FOXP1: variants seen among roughly 807,000 people sequenced by gnomAD.
FOXP1 encodes the protein forkhead box protein P1.
A neutral mutation model predicts 98.2 loss-of-function variants in FOXP1; 15 were observed. That is an observed-to-expected ratio of 0.15 (90% CI 0.10 to 0.24). FOXP1 has a LOEUF of 0.24. Among genes scored for constraint, FOXP1 ranks in the 10% least tolerant of loss-of-function variants. The pLI, the probability that FOXP1 is intolerant of heterozygous loss-of-function variation, is 1.00. For synonymous variants in FOXP1, 371 were observed against 314.5 expected (o/e 1.18, Z -1.90); for missense variants, 633 against 848.5 (o/e 0.75, Z 3.15).
chr3:71,359,502 A>T (rs1183893693), intron 3 of FOXP1, among the ~76,000 whole-genome samples: 2 of 152,200 alleles, frequency 1.3e-5, no homozygotes, highest in Non-Finnish European at 2.9e-5. Context: ...AGGCACTGAC[A>T]TCCACTTAGG....
chr3:71,292,385 A>T (rs1359230942), intron 5 of FOXP1: 2 of 152,218 alleles, frequency 1.3e-5, no homozygotes, highest in African/African-American at 4.8e-5. Context: ...CCCAGGATGT[A>T]GAGCAGTGGC....
intron 5 of FOXP1, among the ~76,000 whole-genome samples, chr3:71,274,948 T>C (rs1054056875): frequency 6.6e-6 from 1 of 152,202 alleles, no homozygotes; most frequent in Non-Finnish European, 1.5e-5. Flanking sequence ...TAAATGCATA[T>C]TATACTCATA....
rs1194695203 is a variant in FOXP1, at chr3:71,396,950, GTA to G, written c.-167-37708_-167-37707del. On this transcript the variant is annotated intron_variant, in intron 3 of 20. Coordinates refer to ENST00000649528, the MANE Select transcript of FOXP1 (RefSeq NM_001349338.3). ...TATATATATACACATATATATATGTGTATATATATATATGTGTGTATATATAT... is the reference window on the plus strand; with the variant it reads ...TATATATATACACATATATATATGTGTATATATATATGTGTGTATATATAT... 4.9e-3 allele frequency among the ~76,000 whole-genome samples: 250 copies of G among 50,926 alleles called. 44 individuals are homozygous for G. The highest frequency in any genetic ancestry group is 0.014 in the African/African-American group (171 of 11,832). 33.4% of individuals were successfully genotyped at this position (50,926 alleles called of 152,430 possible).
intron 7 of FOXP1, among the ~76,000 whole-genome samples, chr3:71,056,055 T>TG (rs1157305316): frequency 6.6e-6 from 1 of 152,140 alleles, no homozygotes; most frequent in Non-Finnish European, 1.5e-5. Context: ...GGTGAACTTT[T>TG]GGGGGCGATG....
intron 3 of FOXP1, among the ~76,000 whole-genome samples, chr3:71,407,310 G>C (rs952612658): frequency 6.6e-6 from 1 of 152,110 alleles, no homozygotes; most frequent in Non-Finnish European, 1.5e-5. Context: ...AGGCTGGGGT[G>C]GGGGGTGGCG....
intron 6 of FOXP1, among the ~76,000 whole-genome samples, chr3:71,178,168 C>T (rs1163989494): frequency 1.4e-5 from 2 of 145,350 alleles, no homozygotes; most frequent in Non-Finnish European, 3.0e-5. Context: ...GAGAGTCTTG[C>T]TCTGTCACCA....
intron 19 of FOXP1, chr3:70,968,548 A>ATG (rs145241811): frequency 6.6e-6 from 1 of 152,288 alleles, no homozygotes; most frequent in East Asian, 1.9e-4. Flanking sequence ...CTCCTGGAAC[A>ATG]TTAACCACTC....
chr3:70,967,600 G>T (rs1391183526), intron 19 of FOXP1, among the ~76,000 whole-genome samples: 4 of 150,018 alleles, frequency 2.7e-5, no homozygotes, highest in Non-Finnish European at 5.9e-5. Flanking sequence ...TTTTCCAACA[G>T]CTCTTTTATA....
chr3:71,371,441 CTCACACCTGAA>C (rs1243321101), intron 3 of FOXP1, among the ~76,000 whole-genome samples: 1 of 152,150 alleles, frequency 6.6e-6, no homozygotes, highest in Non-Finnish European at 1.5e-5. Flanking sequence ...GTGGTTTGTT[CTCACACCTGAA>C]TCAGAAGTCA....
chr3:71,049,229 C>A (rs754922775), intron 9 of FOXP1, among the ~76,000 whole-genome samples: 4 of 152,166 alleles, frequency 2.6e-5, no homozygotes, highest in Non-Finnish European at 5.9e-5. Context: ...GTTTTCCTTT[C>A]TTCGGCTACT....
intron 9 of FOXP1, among the ~76,000 whole-genome samples, chr3:71,049,647 G>T (rs917341280): frequency 6.6e-6 from 1 of 152,000 alleles, no homozygotes. Context: ...AAAGGGGGTG[G>T]GGGGAGCCTG....
Position 71,582,567 on chromosome 3 carries a change from A to G in FOXP1, c.-446-870T>C, listed in dbSNP as rs1316017203. ...CGAGGCGACACGCGCGCGACGCAGGACAAATCGGAGCTTGGGAAATCTCCC... is the reference window on the plus strand; with the variant it reads ...CGAGGCGACACGCGCGCGACGCAGGGCAAATCGGAGCTTGGGAAATCTCCC... On this transcript the variant is annotated intron_variant, in intron 1 of 20. Transcript: ENST00000649528. 5.1e-6 allele frequency: 5 copies of G among 985,298 alleles called. No homozygotes were observed. The Admixed American group carries it at 3.1e-4, about 61-fold the overall frequency. The allele number at this position is 985,298 out of a possible 1,614,324, so 61.0% of individuals were successfully genotyped here.
intron 7 of FOXP1, among the ~76,000 whole-genome samples, chr3:71,109,428 T>G (rs1161348472): frequency 8.2e-4 from 1 of 1,218 alleles, no homozygotes; most frequent in Non-Finnish European, 3.1e-3. Context: ...GATTTGGGGG[T>G]TTTTTTTTTT....
chr3:71,380,052 G>C (rs2080023385), intron 3 of FOXP1, among the ~76,000 whole-genome samples: 1 of 152,100 alleles, frequency 6.6e-6, no homozygotes, highest in Non-Finnish European at 1.5e-5. Context: ...GAAAATACAA[G>C]GAAAATCTCC....
At chr3:71,007,363 C>T (rs2042936658) in intron 12 of FOXP1, among the ~76,000 whole-genome samples, 2 of 152,164 alleles carry the variant, frequency 1.3e-5, no homozygotes, top group African/African-American at 4.8e-5. Flanking sequence ...AAGTCTCCTA[C>T]ACTAACTAGA....
At chr3:71,581,338 T>C (rs1420254899) in intron 2 of FOXP1, 2 of 985,146 alleles carry the variant, frequency 2.0e-6, no homozygotes, top group East Asian at 1.1e-4. Context: ...ATTTTCAGAT[T>C]TAGGAAAGAA....
intron 6 of FOXP1, among the ~76,000 whole-genome samples, chr3:71,196,096 A>G (rs907473244): frequency 3.9e-5 from 6 of 152,212 alleles, no homozygotes; most frequent in African/African-American, 1.4e-4. Context: ...AGCCACAGTG[A>G]TAGACCCCAC....
chr3:71,278,120 A>G (rs2071111133), intron 5 of FOXP1, among the ~76,000 whole-genome samples: 1 of 152,196 alleles, frequency 6.6e-6, no homozygotes, highest in Non-Finnish European at 1.5e-5. Flanking sequence ...TGCGGGAAAC[A>G]GTAGCCCCTA....
chr3:71,144,764 T>A (rs2060226280), intron 6 of FOXP1, among the ~76,000 whole-genome samples: 2 of 151,986 alleles, frequency 1.3e-5, no homozygotes, highest in African/African-American at 4.8e-5. Context: ...ATGTGTATAA[T>A]CACCAGCACA....
Sources: gnomAD v4.1 joint callset for allele counts (sites outside exome capture counted in the v4.1 genomes callset) on GRCh38, gnomAD v4.1.1 for gene constraint, MANE v1.5 for transcripts, NCBI Gene and HGNC (gene_info 2026-07-23, HGNC 2026-07-21) for gene names.